The following DNER variants were observed in gnomAD, a reference collection of about 807,000 sequenced individuals.
DNER encodes delta/notch like EGF repeat containing, also known as delta and Notch-like epidermal growth factor-related receptor.
DNER carries 33 observed loss-of-function variants against 78.2 expected under a neutral mutation model. The ratio of observed to expected loss-of-function variants is 0.42; its 90% CI spans 0.32 to 0.56. The LOEUF (loss-of-function observed/expected upper bound fraction) is 0.56. Among genes scored for constraint, DNER ranks in the 20% least tolerant of loss-of-function variants. The pLI is 0.11. For missense variants in DNER, 918 were observed against 975.3 expected (o/e 0.94, Z 0.78); for synonymous variants, 417 against 384.8 (o/e 1.08, Z -0.98).
At chr2:229,369,446 A>G (rs940680045) in intron 11 of DNER, among the ~76,000 whole-genome samples, 2 of 151,990 alleles carry the variant, frequency 1.3e-5, no homozygotes, top group African/African-American at 4.8e-5. Context: ...CAACTTTCTA[A>G]AAAGTCAAAA....
intron 1 of DNER, among the ~76,000 whole-genome samples, chr2:229,616,453 TC>T (rs1370516443): frequency 6.6e-6 from 1 of 152,130 alleles, no homozygotes. Flanking sequence ...TCACTTCTGA[TC>T]TAGGGTGATG....
chr2:229,536,734 T>C (rs1311182850), intron 5 of DNER, among the ~76,000 whole-genome samples: 1 of 152,236 alleles, frequency 6.6e-6, no homozygotes, highest in Admixed American at 6.5e-5. Flanking sequence ...GAACAATAGT[T>C]ATGTCTCCCA....
chr2:229,499,935 T>A lies in DNER; in HGVS notation c.1147+12848A>T, dbSNP rs796179295. Among the ~76,000 whole-genome samples, 478 of 120,158 alleles carry A rather than the reference T, an allele frequency of 4.0e-3. 6 individuals carry two copies. The highest frequency in any genetic ancestry group is 0.012 in the African/African-American group (453 of 37,668). The allele number at this position is 120,158 out of a possible 152,430, so 78.8% of individuals were successfully genotyped here. A position where few individuals can be genotyped will look rare whatever the true frequency, so the allele number is the denominator to read the frequency against. ...AAATCTGAATAGACTTTCTTTCTTTTTTTTTTTTTTTCTCTTCAAGACAGA... is the reference window on the plus strand; with the variant it reads ...AAATCTGAATAGACTTTCTTTCTTTATTTTTTTTTTTCTCTTCAAGACAGA... On this transcript the variant is annotated intron_variant, in intron 6 of 12. Transcript: ENST00000341772.
rs145110687 is a variant in DNER at position 229,443,771 on chromosome 2, C to T, written c.1486+3545G>A. 2.0e-4 allele frequency among the ~76,000 whole-genome samples: 30 copies of T among 152,318 alleles called. 1 individual carries two copies. Among genetic ancestry groups the T allele is most frequent in the African/African-American group, 6.0e-4 (25 of 41,572 alleles). On this transcript the variant is annotated intron_variant, in intron 8 of 12. Coordinates refer to ENST00000341772, the MANE Select transcript of DNER (RefSeq NM_139072.4). ...CTAGATGCCCAATTTCACCTATTCTCGTGAGATTCTTCCATTATGCAAACT... is the reference window on the plus strand; with the variant it reads ...CTAGATGCCCAATTTCACCTATTCTTGTGAGATTCTTCCATTATGCAAACT...
intron 6 of DNER, among the ~76,000 whole-genome samples, chr2:229,504,167 C>T (rs940854349): frequency 4.6e-5 from 7 of 152,138 alleles, no homozygotes; most frequent in South Asian, 2.1e-4. Flanking sequence ...TATATCGATG[C>T]CCTGTGTATC....
intron 8 of DNER, among the ~76,000 whole-genome samples, chr2:229,437,132 G>A (rs1694138544): frequency 6.6e-6 from 1 of 152,166 alleles, no homozygotes; most frequent in South Asian, 2.1e-4. Context: ...ACATAAAAAG[G>A]CAGGGGCTGC....
intron 4 of DNER, among the ~76,000 whole-genome samples, chr2:229,580,885 G>A (rs1362847807): frequency 1.3e-5 from 2 of 152,084 alleles, no homozygotes; most frequent in Non-Finnish European, 2.9e-5. Flanking sequence ...AATTTTAACT[G>A]GCCATTTTCT....
chr2:229,567,318 T>C (rs1381767889), intron 4 of DNER, among the ~76,000 whole-genome samples: 3 of 152,228 alleles, frequency 2.0e-5, no homozygotes, highest in African/African-American at 7.2e-5. Context: ...TTTTGTCTGA[T>C]TTGTTCATTG....
At chr2:229,423,153 T>G (rs1429714177) in intron 8 of DNER, among the ~76,000 whole-genome samples, 2 of 152,020 alleles carry the variant, frequency 1.3e-5, no homozygotes, top group African/African-American at 4.8e-5. Flanking sequence ...GAGGGCAAAG[T>G]TATTAAATAT....
intron 5 of DNER, among the ~76,000 whole-genome samples, chr2:229,534,357 TG>T (rs1230123580): frequency 6.7e-6 from 1 of 149,080 alleles, no homozygotes; most frequent in African/African-American, 2.5e-5. Flanking sequence ...TAGATTGTAA[TG>T]GTAACAGACC....
intron 1 of DNER, among the ~76,000 whole-genome samples, chr2:229,655,202 C>T (rs1250207517): frequency 2.6e-5 from 4 of 151,536 alleles, no homozygotes; most frequent in Non-Finnish European, 5.9e-5. Context: ...ACATATTAGG[C>T]CAGGTGCAAT....
intron 1 of DNER, among the ~76,000 whole-genome samples, chr2:229,687,314 A>T (rs1236421552): frequency 4.2e-5 from 6 of 141,332 alleles, no homozygotes; most frequent in Admixed American, 2.2e-4. Context: ...CCCAGGCTGC[A>T]GTGTAGTGGC....
intron 1 of DNER, among the ~76,000 whole-genome samples, chr2:229,684,736 C>T (rs1304246177): frequency 6.6e-6 from 1 of 152,170 alleles, no homozygotes; most frequent in Non-Finnish European, 1.5e-5. Context: ...GGTGGACAGA[C>T]CTGGCTGTAC....
chr2:229,482,971 AGC>A (rs2154211494), intron 6 of DNER, among the ~76,000 whole-genome samples: 1 of 152,330 alleles, frequency 6.6e-6, no homozygotes, highest in African/African-American at 2.4e-5. Flanking sequence ...GAAGGAAAAT[AGC>A]TACAACCTTA....
intron 1 of DNER, among the ~76,000 whole-genome samples, chr2:229,622,303 C>CCA (rs2154215508): frequency 6.6e-6 from 1 of 152,230 alleles, no homozygotes; most frequent in South Asian, 2.1e-4. Context: ...CTGCAAAGAA[C>CCA]CACCCTTCCC....
At chr2:229,689,039 C>G (rs142315390) in intron 1 of DNER, among the ~76,000 whole-genome samples, 3 of 152,278 alleles carry the variant, frequency 2.0e-5, no homozygotes, top group Non-Finnish European at 4.4e-5. Flanking sequence ...CTAACGCATA[C>G]TGGGCTTAAT....
intron 1 of DNER, among the ~76,000 whole-genome samples, chr2:229,604,973 G>A (rs181069977): frequency 5.1e-4 from 77 of 152,272 alleles, no homozygotes; most frequent in African/African-American, 1.7e-3. Context: ...CAAATTGCAC[G>A]TGTGTTCAGA....
chr2:229,505,394 C>T (rs1695717963), intron 6 of DNER, among the ~76,000 whole-genome samples: 1 of 152,116 alleles, frequency 6.6e-6, no homozygotes, highest in African/African-American at 2.4e-5. Context: ...GCCAAGGTAA[C>T]ATTCCTAAAT....
intron 5 of DNER, among the ~76,000 whole-genome samples, chr2:229,518,962 T>TA (rs1696038478): frequency 1.3e-5 from 2 of 151,728 alleles, no homozygotes; most frequent in African/African-American, 2.4e-5. Context: ...TCTTTTTTTT[T>TA]TTTTTATTTT....
Sources: allele counts gnomAD v4.1 joint callset (sites outside exome capture counted in the v4.1 genomes callset), GRCh38; gene constraint gnomAD v4.1.1; transcripts MANE v1.5; gene names NCBI Gene and HGNC (gene_info 2026-07-23, HGNC 2026-07-21).